The following KCNA2 variants were observed in gnomAD, a reference collection of about 807,000 sequenced individuals.
KCNA2 encodes the protein potassium channel, voltage gated shaker related subfamily A, member 2.
A neutral mutation model predicts 33.4 loss-of-function variants in KCNA2; 11 were observed. That is an observed-to-expected ratio of 0.33 (90% CI 0.21 to 0.55). The LOEUF (loss-of-function observed/expected upper bound fraction) is 0.55. Among genes scored for constraint, KCNA2 ranks in the 20% least tolerant of loss-of-function variants. The probability of loss-of-function intolerance (pLI) is 0.93; values close to 1 mark genes in which losing one functional copy is unlikely to be tolerated. For synonymous variants in KCNA2, 222 were observed against 231.3 expected (o/e 0.96, Z 0.37); for missense variants, 291 against 621.6 (o/e 0.47, Z 5.66).
At position 110,596,689 on chromosome 1, in the gene KCNA2, T is replaced by G. The variant is rs1374268878; in HGVS notation, c.*6594A>C. 2 of 972,114 alleles carry G rather than the reference T, an allele frequency of 2.1e-6. No individual in the cohort carries two copies. The highest frequency in any genetic ancestry group is 3.5e-5 in the African/African-American group (2 of 57,104). The allele number at this position is 972,114 out of a possible 1,614,324, so 60.2% of individuals were successfully genotyped here. On this transcript the variant is annotated 3_prime_UTR_variant, in exon 3 of 3. Transcript: ENST00000316361. Reference sequence around the variant, plus strand: ...AGGCAGGAAAGTTATGCTAACCTACTTAGGAAATATTTTTCTCAATAACAA... The same window carrying G: ...AGGCAGGAAAGTTATGCTAACCTACGTAGGAAATATTTTTCTCAATAACAA...
At position 110,600,202 on chromosome 1, in the gene KCNA2, T is replaced by C; in HGVS notation, c.*3081A>G. On this transcript the variant is annotated 3_prime_UTR_variant, in exon 3 of 3. Coordinates refer to ENST00000316361, the MANE Select transcript of KCNA2 (RefSeq NM_004974.4). Reference sequence around the variant, plus strand: ...GGTCTGAGTATATGTCTGCATTTCATGTGTATTGTGCGATATTTTTGGGCA... The same window carrying C: ...GGTCTGAGTATATGTCTGCATTTCACGTGTATTGTGCGATATTTTTGGGCA... The C allele has an allele frequency of 1.0e-6, 1 of 983,018 alleles. No homozygotes were observed. The highest frequency in any genetic ancestry group is 1.2e-6 in the Non-Finnish European group (1 of 829,550). 60.9% of individuals were successfully genotyped at this position (983,018 alleles called of 1,614,324 possible).
At chr1:110,619,871 C>A (rs1012920191) in intron 1 of KCNA2, among the ~76,000 whole-genome samples, 2 of 152,098 alleles carry the variant, frequency 1.3e-5, no homozygotes, top group Admixed American at 6.5e-5. Flanking sequence ...GGTTAAGTAA[C>A]ATACACTCTC....
Position 110,612,332 on chromosome 1 carries a change from C to G in KCNA2, c.-495-6610G>C, listed in dbSNP as rs979052800. ...CACACACCCAGGCTGTATGGTAGAG[C>G]CTTTTGCCCTAGGCTACAAACCTGT... On this transcript the variant is annotated intron_variant, in intron 1 of 4. Coordinates refer to the KCNA2 transcript ENST00000369770. Among the ~76,000 whole-genome samples, 6 of 152,184 alleles carry G rather than the reference C, an allele frequency of 3.9e-5. No homozygotes were observed. In the East Asian group the frequency reaches 7.7e-4, roughly 20 times the overall value.
In KCNA2 at chr1:110,605,036, A is replaced by T. The variant is rs116601956; in HGVS notation, c.-163-91T>A. On this transcript the variant is annotated intron_variant, in intron 2 of 2. Coordinates refer to ENST00000316361, the MANE Select transcript of KCNA2 (RefSeq NM_004974.4). ...CTTTTTGTCTCCCATCTCTCAGCCA[A>T]GAGTTCAGACACATGATCACCACCA... is the stretch of plus-strand genomic sequence containing the variant. 3.9e-3 allele frequency: 2,039 copies of T among 523,460 alleles called. 21 individuals carry two copies. Among genetic ancestry groups the T allele is most frequent in the African/African-American group, 0.031 (1,595 of 52,282 alleles). 32.4% of individuals were successfully genotyped at this position (523,460 alleles called of 1,614,324 possible).
chr1:110,615,757 AG>A (rs1436713668), intron 1 of KCNA2, among the ~76,000 whole-genome samples: 1 of 152,208 alleles, frequency 6.6e-6, no homozygotes, highest in African/African-American at 2.4e-5. Flanking sequence ...AGAAGAGTAC[AG>A]GGAAGATGAC....
intron 1 of KCNA2, among the ~76,000 whole-genome samples, chr1:110,623,555 T>C (rs1224790401): frequency 6.6e-6 from 1 of 152,072 alleles, no homozygotes; most frequent in East Asian, 1.9e-4. Context: ...TATTAGCAAA[T>C]CCTACAAAAA....
Position 110,597,723 on chromosome 1 carries a change from C to T in KCNA2, c.*5560G>A. On this transcript the variant is annotated 3_prime_UTR_variant, in exon 3 of 3. Transcript: ENST00000316361. Reference sequence around the variant, plus strand: ...AGGGCATTATCTGATAATCCAGGTACTATCTATCACTTTTCAGTCCTGAGA... The same window carrying T: ...AGGGCATTATCTGATAATCCAGGTATTATCTATCACTTTTCAGTCCTGAGA... 1.0e-6 allele frequency: 1 copy of T among 985,370 alleles called. No homozygotes were observed. Among genetic ancestry groups the T allele is most frequent in the Non-Finnish European group, 1.2e-6 (1 of 829,896 alleles). The allele number at this position is 985,370 out of a possible 1,614,324, so 61.0% of individuals were successfully genotyped here.
chr1:110,594,528 G>A lies in KCNA2; in HGVS notation c.*8755C>T, dbSNP rs1570743805. 1.0e-6 allele frequency: 1 copy of A among 985,398 alleles called. No homozygotes were observed. Among genetic ancestry groups the A allele is most frequent in the South Asian group, 4.7e-5 (1 of 21,284 alleles). The allele number at this position is 985,398 out of a possible 1,614,324, so 61.0% of individuals were successfully genotyped here. A position where few individuals can be genotyped will look rare whatever the true frequency, so the allele number is the denominator to read the frequency against. On this transcript the variant is annotated 3_prime_UTR_variant, in exon 3 of 3. Coordinates refer to ENST00000316361, the MANE Select transcript of KCNA2 (RefSeq NM_004974.4). ...CAACTGTTCCAAGATTATCCTTAGT[G>A]GAGAGAGGGGTGCAGGGATGCAGAA...
At chr1:110,614,895 TTACCCC>T (rs1649999504) in intron 1 of KCNA2, among the ~76,000 whole-genome samples, 1 of 152,214 alleles carries the variant, frequency 6.6e-6, no homozygotes, top group East Asian at 1.9e-4. Context: ...ACATCAACCG[TTACCCC>T]AACACATGTC....
At chr1:110,626,905 T>G (rs1650406047) in intron 1 of KCNA2, among the ~76,000 whole-genome samples, 1 of 152,206 alleles carries the variant, frequency 6.6e-6, no homozygotes, top group Non-Finnish European at 1.5e-5. Context: ...GCCCTCTTCC[T>G]GCATCTCCAG....
chr1:110,595,608 C>T lies in KCNA2; in HGVS notation c.*7675G>A. On this transcript the variant is annotated 3_prime_UTR_variant, in exon 3 of 3. Coordinates refer to ENST00000316361, the MANE Select transcript of KCNA2 (RefSeq NM_004974.4). ...AACTGTCTTCCATGGATCTAACACACTAGCAGGCAAGAGGGAGAATGAGAG... is the reference window on the plus strand; with the variant it reads ...AACTGTCTTCCATGGATCTAACACATTAGCAGGCAAGAGGGAGAATGAGAG... The T allele has an allele frequency of 1.0e-6, 1 of 985,452 alleles. No individual in the cohort carries two copies. Among genetic ancestry groups the T allele is most frequent in the Non-Finnish European group, 1.2e-6 (1 of 829,948 alleles). The allele number at this position is 985,452 out of a possible 1,614,324, so 61.0% of individuals were successfully genotyped here.
intron 1 of KCNA2, among the ~76,000 whole-genome samples, chr1:110,619,597 A>C (rs544310596): frequency 6.6e-6 from 1 of 152,346 alleles, no homozygotes; most frequent in African/African-American, 2.4e-5. Context: ...GCGGCCGTCA[A>C]CGCCCACGCA....
At chr1:110,622,467 AG>A (rs1250264382) in intron 1 of KCNA2, among the ~76,000 whole-genome samples, 1 of 152,144 alleles carries the variant, frequency 6.6e-6, no homozygotes, top group East Asian at 1.9e-4. Context: ...TTTCTATTTA[AG>A]ATTCTATTGG....
In KCNA2 at chr1:110,597,864, G is replaced by A; in HGVS notation, c.*5419C>T. On this transcript the variant is annotated 3_prime_UTR_variant, in exon 3 of 3. Transcript: ENST00000316361. ...TGAGAGATGAAGCTGAGATTTGGTG[G>A]GAAGGGAAGCAGAAAAAAAGGAAAA... is the stretch of plus-strand genomic sequence containing the variant. The A allele has an allele frequency of 1.0e-6, 1 of 985,292 alleles. No homozygotes were observed. Among genetic ancestry groups the A allele is most frequent in the South Asian group, 4.7e-5 (1 of 21,274 alleles). 61.0% of individuals were successfully genotyped at this position (985,292 alleles called of 1,614,324 possible). A position where few individuals can be genotyped will look rare whatever the true frequency, so the allele number is the denominator to read the frequency against.
chr1:110,610,902 T>C (rs1649841798), upstream of KCNA2, among the ~76,000 whole-genome samples: 1 of 152,172 alleles, frequency 6.6e-6, no homozygotes, highest in Non-Finnish European at 1.5e-5. Context: ...ACCAGGGCCG[T>C]GGTCTGTGCG....
In KCNA2 at chr1:110,595,474, T is replaced by C; in HGVS notation, c.*7809A>G. ...GAGGGCTTCTGTGGGTGTGGGGAGA[T>C]GGCAGACACCCCTGCACCACTTCAA... On this transcript the variant is annotated 3_prime_UTR_variant, in exon 3 of 3. Coordinates refer to ENST00000316361, the MANE Select transcript of KCNA2 (RefSeq NM_004974.4). The C allele has an allele frequency of 1.4e-5, 14 of 985,304 alleles. 1 individual carries two copies. In the South Asian group the frequency reaches 6.6e-4, roughly 46 times the overall value. The allele number at this position is 985,304 out of a possible 1,614,324, so 61.0% of individuals were successfully genotyped here. A position where few individuals can be genotyped will look rare whatever the true frequency, so the allele number is the denominator to read the frequency against.
intron 1 of KCNA2, among the ~76,000 whole-genome samples, chr1:110,620,079 A>AGAGT (rs1183393932): frequency 1.4e-5 from 2 of 145,576 alleles, no homozygotes; most frequent in Admixed American, 6.9e-5. Context: ...AGAGAGAGAG[A>AGAGT]GAGAGAGAGT....
In KCNA2 at chr1:110,603,062, G is replaced by A. The variant is rs773824520; in HGVS notation, c.*221C>T. Reference sequence around the variant, plus strand: ...AATCCTAGCTTGATAGGTGACTCCCGTCTTTGGAAGTTCATAAGCCGGTGA... The same window carrying A: ...AATCCTAGCTTGATAGGTGACTCCCATCTTTGGAAGTTCATAAGCCGGTGA... On this transcript the variant is annotated 3_prime_UTR_variant, in exon 3 of 3. Transcript: ENST00000316361. This position sits in a 1 kb window ranked among gnomAD's most constrained non-coding sequence, Gnocchi z 5.7. 21 of 1,396,264 alleles carry A rather than the reference G, an allele frequency of 1.5e-5. No individual in the cohort carries two copies. Among genetic ancestry groups the A allele is most frequent in the African/African-American group, 1.2e-4 (8 of 68,778 alleles). The allele number at this position is 1,396,264 out of a possible 1,614,324, so 86.5% of individuals were successfully genotyped here.
At position 110,599,162 on chromosome 1, in the gene KCNA2, G is replaced by A; in HGVS notation, c.*4121C>T. The A allele has an allele frequency of 3.0e-6, 3 of 985,456 alleles. No individual in the cohort carries two copies. The highest frequency in any genetic ancestry group is 3.6e-6 in the Non-Finnish European group (3 of 829,934). 61.0% of individuals were successfully genotyped at this position (985,456 alleles called of 1,614,324 possible). ...ATGGCTGCAGGAGCAGAAATCAGGA[G>A]TGAGGCCTGATCCAAAGCCTGACTG... On this transcript the variant is annotated 3_prime_UTR_variant, in exon 3 of 3. Transcript: ENST00000316361.
Sources: allele counts gnomAD v4.1 joint callset (sites outside exome capture counted in the v4.1 genomes callset), GRCh38; gene constraint gnomAD v4.1.1; non-coding constraint Gnocchi (gnomAD v3.1); transcripts MANE v1.5; gene names NCBI Gene and HGNC (gene_info 2026-07-23, HGNC 2026-07-21).